BATF: variants seen among roughly 807,000 people sequenced by gnomAD.
The protein encoded by BATF is basic leucine zipper transcriptional factor ATF-like.
In BATF, 5 loss-of-function variants were observed where a neutral mutation model predicts 13.7. The ratio of observed to expected loss-of-function variants is 0.36; its 90% CI spans 0.19 to 0.77. BATF has a LOEUF of 0.77. Ranked by LOEUF, BATF falls within the 30% of genes least tolerant of loss-of-function variation. The pLI is 0.51. For missense variants in BATF, 124 were observed against 163.0 expected, an observed-to-expected ratio of 0.76 and a Z score of 1.30; for synonymous variants, 72 against 67.5, an observed-to-expected ratio of 1.07 and a Z score of -0.33.
At chr14:75,524,155 C>T (rs1887617620) in intron 1 of BATF, among the ~76,000 whole-genome samples, 1 of 152,198 alleles carries the variant, frequency 6.6e-6, no homozygotes, top group Non-Finnish European at 1.5e-5. Context: ...CCTACACCTA[C>T]ACTGCAGCAT....
intron 2 of BATF, among the ~76,000 whole-genome samples, chr14:75,525,399 A>T (rs1887636637): frequency 6.6e-6 from 1 of 151,982 alleles, no homozygotes; most frequent in Non-Finnish European, 1.5e-5. Flanking sequence ...GTGGTGGCTC[A>T]CACCTGTAAT....
intron 2 of BATF, among the ~76,000 whole-genome samples, chr14:75,533,321 G>C (rs977634863): frequency 6.6e-5 from 10 of 151,824 alleles, no homozygotes; most frequent in Non-Finnish European, 1.5e-4. Context: ...CCAGCTACTC[G>C]GGAGGATGAG....
chr14:75,526,869 C>G (rs533073578), intron 2 of BATF, among the ~76,000 whole-genome samples: 5 of 152,342 alleles, frequency 3.3e-5, no homozygotes, highest in Admixed American at 1.3e-4. Context: ...TTAGGGCAAG[C>G]AAACAGACCA....
At chr14:75,545,130 A>G (rs4140795) in intron 2 of BATF, among the ~76,000 whole-genome samples, 107,039 of 151,772 alleles carry the variant, frequency 0.71, 40,055 homozygotes, top group East Asian at 0.9. Context: ...CACCCCCAAA[A>G]TACCGTCAGA....
rs775387933 is a variant in BATF, at chr14:75,525,086, C to T, written c.66C>T (p.Asp22=). ...FSRSPPPGKQ[D]SSDDVRRVQR... ...TCCTCCCCGTCTCTGCTTCCCAGGA[C>T]TCATCTGATGATGTGAGAAGAGTTC... Residue 22 remains aspartate, a splice_region_variant and synonymous_variant, in exon 2 of 3, where the codon GAC becomes GAT. Coordinates refer to ENST00000286639, the MANE Select transcript of BATF (RefSeq NM_006399.5). The T allele has an allele frequency of 3.7e-6, 6 of 1,612,396 alleles. No individual in the cohort carries two copies. In the African/African-American group the frequency reaches 6.7e-5, roughly 18 times the overall value.
chr14:75,522,485 C>T lies in BATF; in HGVS notation c.-198C>T, dbSNP rs1294290371. On this transcript the variant is annotated 5_prime_UTR_variant, in exon 1 of 3. Transcript: ENST00000286639. ...GCAAGCCCCAAAGCGAGCGACATGT[C>T]CCTTTGGGGAGCAGTCCCTCTGCAC... The T allele has an allele frequency of 1.7e-6, 1 of 584,220 alleles. No homozygotes were observed. Among genetic ancestry groups the T allele is most frequent in the Non-Finnish European group, 3.1e-6 (1 of 327,264 alleles). The allele number at this position is 584,220 out of a possible 1,614,324, so 36.2% of individuals were successfully genotyped here.
chr14:75,540,302 C>G (rs1887878087), intron 2 of BATF, among the ~76,000 whole-genome samples: 1 of 152,070 alleles, frequency 6.6e-6, no homozygotes, highest in South Asian at 2.1e-4. Context: ...CTGTGAGTGA[C>G]CCCCTCCTAA....
chr14:75,546,658 G>C lies in BATF; in HGVS notation c.365G>C (p.Arg122Pro). Residue 122 changes from arginine (R) to proline (P), a missense_variant, in exon 3 of 3, where the codon CGC becomes CCC. This residue lies in a region of BATF where 59 missense variants were observed against 49.7 expected (regional missense o/e 1.19). Coordinates refer to ENST00000286639, the MANE Select transcript of BATF (RefSeq NM_006399.5). The stretch of plus-strand genomic sequence containing the variant: ...CACCAACCTCATGTCAGCTCCCCGC[G>C]CTTCCAGCCCTGAGCTTCCGATGCG... ...AFHQPHVSSP[R>P]FQP 6.2e-7 allele frequency: 1 copy of C among 1,601,490 alleles called. No homozygotes were observed. The highest frequency in any genetic ancestry group is 1.1e-5 in the South Asian group (1 of 89,648).
At chr14:75,542,106 A>G (rs981841500) in intron 2 of BATF, among the ~76,000 whole-genome samples, 1 of 152,194 alleles carries the variant, frequency 6.6e-6, no homozygotes, top group Non-Finnish European at 1.5e-5. Flanking sequence ...TCTTTGCATC[A>G]AACACTCAAA....
intron 2 of BATF, among the ~76,000 whole-genome samples, chr14:75,529,961 G>A (rs977299213): frequency 2.0e-5 from 3 of 151,842 alleles, no homozygotes; most frequent in Admixed American, 6.6e-5. Flanking sequence ...CTACTTGAGA[G>A]GCTGAGGCAG....
intron 2 of BATF, among the ~76,000 whole-genome samples, chr14:75,543,497 A>G (rs1333282323): frequency 1.3e-5 from 2 of 152,198 alleles, no homozygotes; most frequent in African/African-American, 2.4e-5. Flanking sequence ...GATGATTGAC[A>G]GTATAACCGA....
intron 1 of BATF, 123 bp downstream of exon 1, chr14:75,522,868 C>T: frequency 8.7e-7 from 1 of 1,155,538 alleles, no homozygotes; most frequent in Non-Finnish European, 1.3e-6. Context: ...CACGGGCACT[C>T]TGTTAGACTT....
intron 1 of BATF, among the ~76,000 whole-genome samples, chr14:75,523,126 G>A (rs1887598490): frequency 6.6e-6 from 1 of 151,864 alleles, no homozygotes; most frequent in Non-Finnish European, 1.5e-5. Context: ...TGGGCCGCTG[G>A]CATGCACAGC....
intron 2 of BATF, among the ~76,000 whole-genome samples, chr14:75,535,595 CA>C (rs1566767892): frequency 2.0e-5 from 3 of 152,182 alleles, no homozygotes; most frequent in South Asian, 4.1e-4. Flanking sequence ...ACATCAAGTA[CA>C]AAGAGACAAT....
chr14:75,532,511 T>G (rs562759955), intron 2 of BATF, among the ~76,000 whole-genome samples: 32 of 152,232 alleles, frequency 2.1e-4, no homozygotes, highest in Admixed American at 1.4e-3. Flanking sequence ...AATTGAAATC[T>G]TTTTTGAGAA....
intron 2 of BATF, among the ~76,000 whole-genome samples, chr14:75,533,909 T>C (rs1291324862): frequency 6.6e-6 from 1 of 152,182 alleles, no homozygotes; most frequent in Non-Finnish European, 1.5e-5. Context: ...TCTGCTTTTG[T>C]TTCATGCCAC....
chr14:75,540,315 C>A (rs762142705), intron 2 of BATF, among the ~76,000 whole-genome samples: 1 of 152,102 alleles, frequency 6.6e-6, no homozygotes, highest in African/African-American at 2.4e-5. Context: ...CCTCCTAAGC[C>A]CCTCCAGTAG....
At chr14:75,542,692 C>T (rs921228504) in intron 2 of BATF, among the ~76,000 whole-genome samples, 1 of 152,226 alleles carries the variant, frequency 6.6e-6, no homozygotes, top group Non-Finnish European at 1.5e-5. Context: ...CTGCACGGTC[C>T]CTGGGCTGGC....
At chr14:75,539,707 G>T (rs114506431) in intron 2 of BATF, among the ~76,000 whole-genome samples, 2 of 151,988 alleles carry the variant, frequency 1.3e-5, no homozygotes, top group African/African-American at 4.8e-5. Flanking sequence ...TGAAAGTGAA[G>T]GTTCCTCCAG....
Sources: gnomAD v4.1 joint callset for allele counts (sites outside exome capture counted in the v4.1 genomes callset) on GRCh38, gnomAD v4.1.1 for gene constraint, gnomAD v4.1.1 regional missense constraint, MANE v1.5 for transcripts, NCBI Gene and HGNC (gene_info 2026-07-23, HGNC 2026-07-21) for gene names.